FBXO33: variants seen among roughly 807,000 people sequenced by gnomAD.
The protein encoded by FBXO33 is F-box only protein 33.
A neutral mutation model predicts 46.3 loss-of-function variants in FBXO33; 22 were observed. That is an observed-to-expected ratio of 0.48 (90% CI 0.34 to 0.68). The LOEUF is 0.68. FBXO33 is among the 30% of genes least tolerant of loss of function. The probability of loss-of-function intolerance (pLI) is 0.01; values close to 1 mark genes in which losing one functional copy is unlikely to be tolerated. For synonymous variants in FBXO33, 337 were observed against 291.3 expected (o/e 1.16, Z -1.60); for missense variants, 692 against 708.8 (o/e 0.98, Z 0.27).
intron 1 of FBXO33, among the ~76,000 whole-genome samples, chr14:39,419,252 T>C (rs2075467322): frequency 6.6e-6 from 1 of 152,354 alleles, no homozygotes; most frequent in Middle Eastern, 3.4e-3. Flanking sequence ...CAGAGCAGTA[T>C]AGGATGAACA....
At position 39,418,769 on chromosome 14, in the gene FBXO33, C is replaced by T. The variant is rs368135852; in HGVS notation, c.599+12795G>A. 1.0e-3 allele frequency among the ~76,000 whole-genome samples: 136 copies of T among 133,774 alleles called. 2 individuals are homozygous for T. The South Asian group carries it at 0.01, about 10-fold the overall frequency. 87.8% of individuals were successfully genotyped at this position (133,774 alleles called of 152,430 possible). ...CAGCCTGGGTGACAAAGCGAGACTC[C>T]GTCTCAAAAAAAAAAAAAAACAAAA... On this transcript the variant is annotated intron_variant, in intron 1 of 3. Transcript: ENST00000298097.
At chr14:39,406,564 T>TTCAGGTTACAACATAGCCTGGTA (rs2075399585) in intron 1 of FBXO33, among the ~76,000 whole-genome samples, 1 of 152,176 alleles carries the variant, frequency 6.6e-6, no homozygotes, top group Non-Finnish European at 1.5e-5. Flanking sequence ...GGAGAGAGTT[T>TTCAGGTTACAACATAGCCTGGTA]TCAGGTTACA....
chr14:39,399,744 A>C lies in FBXO33; in HGVS notation c.1440T>G (p.Leu480=). ...WAHNLIAIAR[L]RGSDLKVLEV... ...CAAGCACTTTCAGATCAGAGCCCCGAAGACGAGCAATGGCAATGAGGTTGT... is the reference window on the plus strand; with the variant it reads ...CAAGCACTTTCAGATCAGAGCCCCGCAGACGAGCAATGGCAATGAGGTTGT... The change falls in exon 4 of 4, where the codon CTT becomes CTG. Residue 480 remains leucine, a synonymous_variant. Coordinates refer to ENST00000298097, the MANE Select transcript of FBXO33 (RefSeq NM_203301.4). 6.2e-7 allele frequency: 1 copy of C among 1,610,580 alleles called. No homozygotes were observed. The highest frequency in any genetic ancestry group is 8.5e-7 in the Non-Finnish European group (1 of 1,177,132).
rs2075356586 is a variant in FBXO33, at chr14:39,399,042, G to C, written c.*474C>G. On this transcript the variant is annotated 3_prime_UTR_variant, in exon 4 of 4. Coordinates refer to ENST00000298097, the MANE Select transcript of FBXO33 (RefSeq NM_203301.4). ...TTTCTGTTACAGATAATTCATTTGG[G>C]ATATTATTTATCTTCCATTTGAAAT... is the stretch of plus-strand genomic sequence containing the variant. 6.6e-6 allele frequency: 1 copy of C among 152,650 alleles called. No homozygotes were observed. Among genetic ancestry groups the C allele is most frequent in the Non-Finnish European group, 1.5e-5 (1 of 68,136 alleles). The allele number at this position is 152,650 out of a possible 1,614,324, so 9.5% of individuals were successfully genotyped here. A position where few individuals can be genotyped will look rare whatever the true frequency, so the allele number is the denominator to read the frequency against.
At chr14:39,404,569 A>G (rs1220401356) in intron 1 of FBXO33, among the ~76,000 whole-genome samples, 7 of 151,864 alleles carry the variant, frequency 4.6e-5, no homozygotes, top group Non-Finnish European at 8.8e-5. Context: ...CTCGTGATCC[A>G]CCCGCCTTGG....
At chr14:39,420,067 G>A (rs929705075) in intron 1 of FBXO33, among the ~76,000 whole-genome samples, 1 of 152,148 alleles carries the variant, frequency 6.6e-6, no homozygotes, top group African/African-American at 2.4e-5. Context: ...ACATCCTTAA[G>A]CACTTACAAC....
chr14:39,425,476 A>G (rs1039700601), intron 1 of FBXO33, among the ~76,000 whole-genome samples: 2 of 152,248 alleles, frequency 1.3e-5, no homozygotes, highest in Non-Finnish European at 2.9e-5. Context: ...ATCTTTTCCA[A>G]TGCCATAAAA....
chr14:39,411,580 T>C (rs960732476), intron 1 of FBXO33, among the ~76,000 whole-genome samples: 6 of 151,566 alleles, frequency 4.0e-5, no homozygotes, highest in African/African-American at 1.2e-4. Context: ...TGGAGCGCAG[T>C]GGCCAGATCT....
intron 1 of FBXO33, among the ~76,000 whole-genome samples, chr14:39,408,887 C>T (rs2075410382): frequency 6.6e-6 from 1 of 151,700 alleles, no homozygotes; most frequent in South Asian, 2.1e-4. Context: ...TGGATCCTCC[C>T]ACCTGGGCCT....
At chr14:39,425,102 A>G (rs967596619) in intron 1 of FBXO33, among the ~76,000 whole-genome samples, 1 of 152,170 alleles carries the variant, frequency 6.6e-6, no homozygotes, top group Non-Finnish European at 1.5e-5. Context: ...CTTGTTTTCT[A>G]TACTGCACAA....
chr14:39,404,208 T>C (rs890355045), intron 1 of FBXO33, among the ~76,000 whole-genome samples: 7 of 152,206 alleles, frequency 4.6e-5, no homozygotes, highest in South Asian at 2.1e-4. Context: ...AACTGTGCTA[T>C]ATACTAGAGA....
chr14:39,406,357 A>G (rs1442497188), intron 1 of FBXO33, among the ~76,000 whole-genome samples: 1 of 152,196 alleles, frequency 6.6e-6, no homozygotes, highest in African/African-American at 2.4e-5. Flanking sequence ...TGGTATTAAA[A>G]TACACATGTA....
intron 1 of FBXO33, among the ~76,000 whole-genome samples, chr14:39,416,468 A>G (rs577958066): frequency 1.3e-5 from 2 of 152,166 alleles, no homozygotes; most frequent in South Asian, 2.1e-4. Flanking sequence ...CTCCTTTTCT[A>G]CTTCTGGGTT....
In FBXO33 at chr14:39,431,575, G is replaced by A. The variant is rs904886707; in HGVS notation, c.588C>T (p.Ile196=). 1.7e-5 allele frequency: 28 copies of A among 1,612,300 alleles called. No homozygotes were observed. Among genetic ancestry groups the A allele is most frequent in the Non-Finnish European group, 2.3e-5 (27 of 1,180,024 alleles). ...LELVLCVLVS[I]RNNRNLQKFS... ...CAGGGCAAGCCTACCTGTTGTTCCGGATGCTGACCAGCACGCAAAGCACCA... is the reference window on the plus strand; with the variant it reads ...CAGGGCAAGCCTACCTGTTGTTCCGAATGCTGACCAGCACGCAAAGCACCA... Residue 196 remains isoleucine (I), a synonymous_variant, in exon 1 of 4, where the codon ATC becomes ATT. Transcript: ENST00000298097.
chr14:39,411,235 AC>A (rs145315463), intron 1 of FBXO33, among the ~76,000 whole-genome samples: 3,277 of 151,236 alleles, frequency 0.022, 125 homozygotes, highest in African/African-American at 0.076. Context: ...AGCTGGGATT[AC>A]AGGCGACCAC....
chr14:39,432,231 G>C lies in FBXO33; in HGVS notation c.-69C>G. The C allele has an allele frequency of 8.7e-7, 1 of 1,153,378 alleles. No homozygotes were observed. Among genetic ancestry groups the C allele is most frequent in the African/African-American group, 1.6e-5 (1 of 61,698 alleles). The allele number at this position is 1,153,378 out of a possible 1,614,324, so 71.4% of individuals were successfully genotyped here. A position where few individuals can be genotyped will look rare whatever the true frequency, so the allele number is the denominator to read the frequency against. Reference sequence around the variant, plus strand: ...GGAACCAAGTAGAACACAAGTTGTGGAGAGGGGGAAAGGCCTCTGCGGGCG... The same window carrying C: ...GGAACCAAGTAGAACACAAGTTGTGCAGAGGGGGAAAGGCCTCTGCGGGCG... On this transcript the variant is annotated 5_prime_UTR_variant, in exon 1 of 4. Transcript: ENST00000298097.
At chr14:39,422,082 A>AC (rs1436748204) in intron 1 of FBXO33, among the ~76,000 whole-genome samples, 2 of 151,974 alleles carry the variant, frequency 1.3e-5, no homozygotes, top group Non-Finnish European at 2.9e-5. Context: ...ACATGGTGAA[A>AC]CCCCGTCTTT....
intron 1 of FBXO33, among the ~76,000 whole-genome samples, chr14:39,416,082 A>T (rs1281655425): frequency 6.6e-6 from 1 of 152,158 alleles, no homozygotes; most frequent in Non-Finnish European, 1.5e-5. Flanking sequence ...TTTTACTGTC[A>T]TATGCTTTGT....
intron 1 of FBXO33, among the ~76,000 whole-genome samples, chr14:39,408,523 GT>G (rs1247196239): frequency 6.6e-6 from 1 of 151,624 alleles, no homozygotes; most frequent in African/African-American, 2.4e-5. Context: ...ATTTCTCTTT[GT>G]TTTTTGGACA....
Sources: allele counts gnomAD v4.1 joint callset (sites outside exome capture counted in the v4.1 genomes callset), GRCh38; gene constraint gnomAD v4.1.1; transcripts MANE v1.5; gene names NCBI Gene and HGNC (gene_info 2026-07-23, HGNC 2026-07-21).